The following CAMKMT variants were observed in gnomAD, a reference collection of about 807,000 sequenced individuals.
CAMKMT encodes calmodulin-lysine N-methyltransferase, also known as CaM KMT.
Under a neutral mutation model 48.0 loss-of-function variants are expected in CAMKMT, and 53 were observed. That is an observed-to-expected ratio of 1.10 (90% confidence interval 0.89 to 1.39). The LOEUF is 1.39. Ranked by LOEUF, CAMKMT falls within the 40% of genes most tolerant of loss-of-function variation. CAMKMT has a pLI of 0.00. For missense variants in CAMKMT, 428 were observed against 402.7 expected (o/e 1.06, Z -0.54); for synonymous variants, 165 against 152.3 (o/e 1.08, Z -0.61).
In CAMKMT at chr2:44,461,145, A is replaced by G. The variant is rs183365783; in HGVS notation, c.376+70840A>G. Among the ~76,000 whole-genome samples the G allele has an allele frequency of 5.1e-3, 781 of 152,330 alleles. 1 individual carries two copies. The highest frequency in any genetic ancestry group is 0.018 in the African/African-American group (752 of 41,578). On this transcript the variant is annotated intron_variant, in intron 3 of 10. Coordinates refer to ENST00000378494, the MANE Select transcript of CAMKMT (RefSeq NM_024766.5). ...TCAATCACAGGTTTCCAGACGGTCT[A>G]AAAAATTTGTAAATGTAAGGAAAAT...
intron 7 of CAMKMT, among the ~76,000 whole-genome samples, chr2:44,720,806 C>T (rs1425702665): frequency 1.3e-5 from 2 of 152,090 alleles, no homozygotes; most frequent in South Asian, 4.1e-4. Context: ...TTTACTAAGA[C>T]TTGACATTTT....
intron 3 of CAMKMT, among the ~76,000 whole-genome samples, chr2:44,506,805 G>T (rs764526224): frequency 3.0e-4 from 46 of 152,130 alleles, no homozygotes; most frequent in Non-Finnish European, 4.0e-4. Context: ...AACCGTTCTT[G>T]CTTTTTGTCA....
At position 44,397,340 on chromosome 2, in the gene CAMKMT, G is replaced by T. The variant is rs554149192; in HGVS notation, c.376+7035G>T. ...CATCAATGCATTATGTGGTTAGAAC[G>T]CATGGGTAATGATCAGCAGCCCTGA... On this transcript the variant is annotated intron_variant, in intron 3 of 10. Transcript: ENST00000378494. Among the ~76,000 whole-genome samples, 321 of 152,316 alleles carry T rather than the reference G, an allele frequency of 2.1e-3. 2 individuals are homozygous for T. Among genetic ancestry groups the T allele is most frequent in the Middle Eastern group, 0.01 (3 of 294 alleles).
intron 3 of CAMKMT, among the ~76,000 whole-genome samples, chr2:44,603,202 C>A (rs1671098706): frequency 6.6e-6 from 1 of 152,024 alleles, no homozygotes. Context: ...AATTCTCGTG[C>A]CTCAGCCTCC....
intron 3 of CAMKMT, among the ~76,000 whole-genome samples, chr2:44,454,390 C>T (rs1203350548): frequency 3.3e-5 from 5 of 152,006 alleles, no homozygotes; most frequent in Non-Finnish European, 7.4e-5. Flanking sequence ...TACCCAATAT[C>T]CAATAATGTT....
intron 1 of CAMKMT, among the ~76,000 whole-genome samples, chr2:44,366,980 C>T (rs1056545079): frequency 9.9e-5 from 15 of 152,156 alleles, no homozygotes; most frequent in African/African-American, 3.6e-4. Context: ...CCACCTCAGC[C>T]TCCCAAAGTG....
At chr2:44,770,261 G>T (rs1382911953) in intron 10 of CAMKMT, among the ~76,000 whole-genome samples, 2 of 152,204 alleles carry the variant, frequency 1.3e-5, no homozygotes, top group African/African-American at 4.8e-5. Flanking sequence ...TCCAGGGCTG[G>T]GTTATAGTGT....
At chr2:44,477,567 T>C (rs1251400859) in intron 3 of CAMKMT, among the ~76,000 whole-genome samples, 1 of 152,182 alleles carries the variant, frequency 6.6e-6, no homozygotes, top group Non-Finnish European at 1.5e-5. Flanking sequence ...CTCAAAAGTA[T>C]AGATTTAAGA....
At chr2:44,582,477 CT>C (rs1271106375) in intron 3 of CAMKMT, among the ~76,000 whole-genome samples, 1 of 152,172 alleles carries the variant, frequency 6.6e-6, no homozygotes, top group Non-Finnish European at 1.5e-5. Flanking sequence ...TTTCTGCCAA[CT>C]TCTGGGCCAT....
chr2:44,435,770 C>T (rs1388628505), intron 3 of CAMKMT, among the ~76,000 whole-genome samples: 1 of 152,188 alleles, frequency 6.6e-6, no homozygotes, highest in African/African-American at 2.4e-5. Context: ...ATTCACATAG[C>T]AGAAGGACCT....
chr2:44,641,853 C>T (rs1192215571), intron 3 of CAMKMT, among the ~76,000 whole-genome samples: 1 of 152,210 alleles, frequency 6.6e-6, no homozygotes, highest in African/African-American at 2.4e-5. Flanking sequence ...CCACCACACC[C>T]AGCTCTGATG....
At chr2:44,394,967 T>G (rs1681692664) in intron 3 of CAMKMT, 1 of 454,248 alleles carries the variant, frequency 2.2e-6, no homozygotes, top group African/African-American at 2.0e-5. Context: ...GAGGCAAGCC[T>G]GGGCAATATA....
chr2:44,624,118 A>G (rs1254293066), intron 3 of CAMKMT, among the ~76,000 whole-genome samples: 1 of 152,188 alleles, frequency 6.6e-6, no homozygotes, highest in South Asian at 2.1e-4. Flanking sequence ...AAACACCATC[A>G]GCAGAGTAAG....
At chr2:44,688,426 G>A (rs343977) in intron 3 of CAMKMT, among the ~76,000 whole-genome samples, 19,248 of 152,034 alleles carry the variant, frequency 0.13, 1,320 homozygotes, top group South Asian at 0.17. Flanking sequence ...GAAGGACAGA[G>A]TCCTGGCCAT....
At chr2:44,631,721 G>A in intron 3 of CAMKMT, 2 of 386,618 alleles carry the variant, frequency 5.2e-6, no homozygotes, top group East Asian at 3.7e-5. Context: ...ATATGGTTAT[G>A]TTTAAGTTTA....
At chr2:44,372,923 T>C in intron 2 of CAMKMT, 35 bp downstream of exon 2, 1 of 1,528,870 alleles carries the variant, frequency 6.5e-7, no homozygotes, top group Non-Finnish European at 8.9e-7. Flanking sequence ...TTGTAAACAC[T>C]AGATTTCTCT....
At chr2:44,417,895 G>A (rs1336056613) in intron 3 of CAMKMT, among the ~76,000 whole-genome samples, 1 of 152,060 alleles carries the variant, frequency 6.6e-6, no homozygotes, top group Non-Finnish European at 1.5e-5. Context: ...AAATCAGATT[G>A]TCTTAATGAG....
intron 3 of CAMKMT, among the ~76,000 whole-genome samples, chr2:44,552,037 C>A (rs561110185): frequency 1.3e-5 from 2 of 152,170 alleles, no homozygotes; most frequent in African/African-American, 4.8e-5. Flanking sequence ...AGTTTTGTTA[C>A]ATGGACATAT....
chr2:44,658,559 T>C (rs918355329), intron 3 of CAMKMT, among the ~76,000 whole-genome samples: 2 of 152,174 alleles, frequency 1.3e-5, no homozygotes, highest in Non-Finnish European at 2.9e-5. Flanking sequence ...ATGCATACTT[T>C]GGAGTCAGAC....
Sources: gnomAD v4.1 joint callset for allele counts (sites outside exome capture counted in the v4.1 genomes callset) on GRCh38, gnomAD v4.1.1 for gene constraint, MANE v1.5 for transcripts, NCBI Gene and HGNC (gene_info 2026-07-23, HGNC 2026-07-21) for gene names.